The following VPS13B variants were observed in gnomAD, a reference collection of about 807,000 sequenced individuals.
The protein encoded by VPS13B is vacuolar protein sorting 13 homolog B, also known as intermembrane lipid transfer protein VPS13B.
In VPS13B, 285 loss-of-function variants were observed where a neutral mutation model predicts 426.4. The ratio of observed to expected loss-of-function variants is 0.67; its 90% CI spans 0.61 to 0.74. The LOEUF (loss-of-function observed/expected upper bound fraction) is 0.74. Among genes scored for constraint, VPS13B ranks in the 30% least tolerant of loss-of-function variants. The pLI is 0.00. For synonymous variants in VPS13B, 1,676 were observed against 1,676.4 expected, an observed-to-expected ratio of 1.00 and a Z score of 0.01; for missense variants, 4,537 against 4,782.6, an observed-to-expected ratio of 0.95 and a Z score of 1.51.
At chr8:99,531,015 A>G (rs1822904684) in intron 30 of VPS13B, among the ~76,000 whole-genome samples, 1 of 152,236 alleles carries the variant, frequency 6.6e-6, no homozygotes, top group Non-Finnish European at 1.5e-5. Context: ...TTTCAAATTT[A>G]TATTCCATTA....
At chr8:99,618,929 G>A (rs187802335) in intron 33 of VPS13B, among the ~76,000 whole-genome samples, 10 of 152,214 alleles carry the variant, frequency 6.6e-5, no homozygotes, top group South Asian at 2.1e-4. Flanking sequence ...GATCTCAGTC[G>A]AATACAGCTT....
chr8:99,108,061 A>C (rs1037374931), intron 5 of VPS13B, among the ~76,000 whole-genome samples: 1 of 152,162 alleles, frequency 6.6e-6, no homozygotes, highest in South Asian at 2.1e-4. Context: ...ATGTATACTC[A>C]GTGCTTAGCT....
intron 17 of VPS13B, among the ~76,000 whole-genome samples, chr8:99,271,874 C>G (rs1425287425): frequency 6.6e-6 from 1 of 152,156 alleles, no homozygotes; most frequent in Non-Finnish European, 1.5e-5. Context: ...CCCTTAAAAC[C>G]TTGGGATTAT....
At chr8:99,211,396 G>C (rs761661951) in intron 17 of VPS13B, among the ~76,000 whole-genome samples, 21 of 152,120 alleles carry the variant, frequency 1.4e-4, no homozygotes, top group Non-Finnish European at 2.8e-4. Context: ...TGGAGGAAGG[G>C]GAGAGGACTT....
At chr8:99,843,241 A>G (rs1815802072) in intron 54 of VPS13B, among the ~76,000 whole-genome samples, 1 of 152,148 alleles carries the variant, frequency 6.6e-6, no homozygotes, top group Admixed American at 6.5e-5. Context: ...CTCTTAGTAT[A>G]TGTCACCTAG....
intron 3 of VPS13B, among the ~76,000 whole-genome samples, chr8:99,051,901 A>C (rs559268794): frequency 4.5e-4 from 68 of 152,340 alleles, no homozygotes; most frequent in Non-Finnish European, 9.3e-4. Context: ...ACTTTGCTGA[A>C]GTCGCCTATC....
At chr8:99,492,215 C>T (rs767045531) in intron 25 of VPS13B, among the ~76,000 whole-genome samples, 21 of 152,214 alleles carry the variant, frequency 1.4e-4, no homozygotes, top group Non-Finnish European at 2.8e-4. Context: ...GCAAATATTG[C>T]TGCCTGATTC....
chr8:99,502,894 A>G lies in VPS13B; in HGVS notation c.4101A>G (p.Val1367=). 6.2e-7 allele frequency: 1 copy of G among 1,613,560 alleles called. No homozygotes were observed. The highest frequency in any genetic ancestry group is 2.2e-5 in the East Asian group (1 of 44,786). ...GTGCTTCCATAGATGTCCAGGATGTATATACCAAAGTGAAATGTAAAATAG... is the reference window on the plus strand; with the variant it reads ...GTGCTTCCATAGATGTCCAGGATGTGTATACCAAAGTGAAATGTAAAATAG... ...DLSASIDVQD[V]YTKVKCKIES... The change falls in exon 27 of 62, where the codon GTA becomes GTG. Residue 1367 remains valine (V), a synonymous_variant. Coordinates refer to ENST00000357162, the MANE Select transcript of VPS13B (RefSeq NM_152564.5).
chr8:99,807,873 T>TAA (rs35638213), intron 43 of VPS13B, among the ~76,000 whole-genome samples: 5 of 118,040 alleles, frequency 4.2e-5, no homozygotes, highest in Admixed American at 8.8e-5. Flanking sequence ...TATTCAGATT[T>TAA]AAAAAAAAAA....
chr8:99,481,694 G>C lies in VPS13B; in HGVS notation c.3762G>C (p.Glu1254Asp), dbSNP rs751944327. The C allele has an allele frequency of 1.2e-5, 20 of 1,613,894 alleles. No individual in the cohort carries two copies. The highest frequency in any genetic ancestry group is 8.5e-7 in the Non-Finnish European group (1 of 1,179,932). The change falls in exon 25 of 62, where the codon GAG becomes GAC. Residue 1254 changes from glutamate to aspartate, a missense_variant. Physicochemically the swap from Glu to Asp is conservative, Grantham distance 45. Coordinates refer to ENST00000357162, the MANE Select transcript of VPS13B (RefSeq NM_152564.5). ...GNLNLSPTSP[E>D]TMAGPVPTSP... ...TCAACCTATCTCCAACCTCTCCAGAGACCATGGCAGGGCCTGTTCCTACTT... is the reference window on the plus strand; with the variant it reads ...TCAACCTATCTCCAACCTCTCCAGACACCATGGCAGGGCCTGTTCCTACTT...
chr8:99,861,812 TG>T lies in VPS13B; in HGVS notation c.11083del (p.Ala3695ProfsTer50), dbSNP rs751118731. The T allele has an allele frequency of 6.3e-7, 1 of 1,598,720 alleles. No homozygotes were observed. The highest frequency in any genetic ancestry group is 1.3e-5 in the African/African-American group (1 of 74,740). The part of the protein sequence containing the change: ...LTSITNLATS[L>X]ARNMDRLSLD... Reference sequence around the variant, plus strand: ...TCCATCACCAACCTCGCCACAAGCCTGGCCCGGAACATGGACCGGCTCTCAC... The same window carrying T: ...TCCATCACCAACCTCGCCACAAGCCTGCCCGGAACATGGACCGGCTCTCAC... On this transcript the variant is annotated frameshift_variant, in exon 58 of 62. Transcript: ENST00000357162. LOFTEE classifies it high-confidence loss of function.
At chr8:99,586,097 C>T (rs1826285401) in intron 33 of VPS13B, among the ~76,000 whole-genome samples, 1 of 152,174 alleles carries the variant, frequency 6.6e-6, no homozygotes, top group Non-Finnish European at 1.5e-5. Context: ...CAAGTATCCT[C>T]AGAGTTTGAC....
At chr8:99,812,647 T>C (rs142724051) in intron 44 of VPS13B, among the ~76,000 whole-genome samples, 24 of 152,382 alleles carry the variant, frequency 1.6e-4, no homozygotes, top group African/African-American at 5.5e-4. Flanking sequence ...TTGTATGTTC[T>C]ACAACTACTA....
At chr8:99,243,565 G>A (rs1400255691) in intron 17 of VPS13B, among the ~76,000 whole-genome samples, 1 of 151,982 alleles carries the variant, frequency 6.6e-6, no homozygotes, top group African/African-American at 2.4e-5. Context: ...GAAAAGGATA[G>A]ACATAAGAAA....
intron 30 of VPS13B, among the ~76,000 whole-genome samples, chr8:99,535,157 C>G (rs1178467835): frequency 6.6e-6 from 1 of 152,064 alleles, no homozygotes; most frequent in Admixed American, 6.5e-5. Flanking sequence ...AATAAATTAC[C>G]TCTACACATT....
At chr8:99,346,255 T>C (rs1188190286) in intron 19 of VPS13B, 2 of 152,042 alleles carry the variant, frequency 1.3e-5, no homozygotes, top group Non-Finnish European at 1.5e-5. Context: ...GTAGATCTTA[T>C]AGTTTGTCAT....
intron 15 of VPS13B, among the ~76,000 whole-genome samples, chr8:99,164,003 T>A (rs1390691839): frequency 1.3e-5 from 2 of 152,188 alleles, no homozygotes; most frequent in African/African-American, 4.8e-5. Context: ...CTGTTGGGAA[T>A]TTGGCCGTTG....
chr8:99,742,777 C>A (rs189046104), intron 39 of VPS13B, among the ~76,000 whole-genome samples: 2 of 152,078 alleles, frequency 1.3e-5, no homozygotes, highest in African/African-American at 4.8e-5. Flanking sequence ...ATTCAACAAC[C>A]CTTCACGCCA....
At chr8:99,312,881 T>C (rs889511123) in intron 19 of VPS13B, among the ~76,000 whole-genome samples, 1 of 152,354 alleles carries the variant, frequency 6.6e-6, no homozygotes, top group East Asian at 1.9e-4. Context: ...TTACTCTTTT[T>C]TCTGTAAACT....
Sources: allele counts gnomAD v4.1 joint callset (sites outside exome capture counted in the v4.1 genomes callset), GRCh38; gene constraint gnomAD v4.1.1; transcripts MANE v1.5; gene names NCBI Gene and HGNC (gene_info 2026-07-23, HGNC 2026-07-21).